PCA3: variants seen among roughly 807,000 people sequenced by gnomAD.
The protein encoded by PCA3 is Differential Display code 3.
chr9:76,770,384 T>G (rs926089935), intron 2 of PCA3, among the ~76,000 whole-genome samples: 1 of 152,200 alleles, frequency 6.6e-6, no homozygotes, highest in African/African-American at 2.4e-5. Flanking sequence ...TGATAAAGTT[T>G]CTTTTTGAAA....
intron 2 of PCA3, among the ~76,000 whole-genome samples, chr9:76,768,623 G>GTGTGTGTGTGTA (rs1491356086): frequency 2.3e-5 from 3 of 130,234 alleles, no homozygotes; most frequent in African/African-American, 5.6e-5. Flanking sequence ...GTGTGTGTGT[G>GTGTGTGTGTGTA]TATATCCCTG....
chr9:76,776,291 C>A (rs2053727465), intron 2 of PCA3, among the ~76,000 whole-genome samples: 1 of 152,092 alleles, frequency 6.6e-6, no homozygotes, highest in Admixed American at 6.6e-5. Context: ...CACCCTCCCG[C>A]CTTCCCACCT....
At chr9:76,768,319 A>G (rs537188807) in intron 2 of PCA3, among the ~76,000 whole-genome samples, 1 of 152,176 alleles carries the variant, frequency 6.6e-6, no homozygotes, top group Middle Eastern at 3.4e-3. Flanking sequence ...CAGCCTCCCA[A>G]GTAGCTGGGA....
At chr9:76,771,863 T>C (rs2130954449) in intron 2 of PCA3, among the ~76,000 whole-genome samples, 1 of 152,184 alleles carries the variant, frequency 6.6e-6, no homozygotes, top group East Asian at 1.9e-4. Context: ...GACCACACCC[T>C]AAGTGAGAAA....
At chr9:76,778,748 C>A (rs569811379) in intron 2 of PCA3, 1 of 152,322 alleles carries the variant, frequency 6.6e-6, no homozygotes, top group South Asian at 2.1e-4. Context: ...TAATTTATTT[C>A]AGGTGCCTAG....
intron 2 of PCA3, among the ~76,000 whole-genome samples, chr9:76,774,850 T>C (rs952145694): frequency 1.3e-5 from 2 of 152,170 alleles, no homozygotes; most frequent in Admixed American, 6.5e-5. Context: ...AGTGAAAAGA[T>C]TGTAGATTTT....
chr9:76,774,450 C>CTTTTTTTATTTATTTATTTTTTTTTTTT (rs1564272256), intron 2 of PCA3, among the ~76,000 whole-genome samples: 1 of 41,402 alleles, frequency 2.4e-5, no homozygotes, highest in Non-Finnish European at 3.9e-5. Flanking sequence ...CAGTTCAACC[C>CTTTTTTTATTTATTTATTTTTTTTTTTT]TTTTTTTTTT....
chr9:76,777,471 T>C (rs1401079420), intron 2 of PCA3, among the ~76,000 whole-genome samples: 2 of 152,158 alleles, frequency 1.3e-5, no homozygotes, highest in Non-Finnish European at 2.9e-5. Context: ...TCCATACAGT[T>C]TGCTGGCTGA....
At chr9:76,781,503 T>C (rs987734497) in intron 2 of PCA3, among the ~76,000 whole-genome samples, 5 of 152,262 alleles carry the variant, frequency 3.3e-5, no homozygotes, top group African/African-American at 9.6e-5. Flanking sequence ...GCCTATATTG[T>C]ATATGCTTGG....
chr9:76,787,245 C>A (rs1427788593), intron 2 of PCA3: 1 of 151,440 alleles, frequency 6.6e-6, no homozygotes, highest in Non-Finnish European at 1.5e-5. Flanking sequence ...TCTTTTATCA[C>A]CAAAGTGGCT....
intron 2 of PCA3, among the ~76,000 whole-genome samples, chr9:76,781,777 G>C (rs2054426687): frequency 6.6e-6 from 1 of 152,204 alleles, no homozygotes; most frequent in African/African-American, 2.4e-5. Flanking sequence ...TAGTGTTGGT[G>C]AATGAGTTAA....
chr9:76,765,771 G>A (rs1388752856), intron 2 of PCA3, among the ~76,000 whole-genome samples: 1 of 152,170 alleles, frequency 6.6e-6, no homozygotes, highest in Non-Finnish European at 1.5e-5. Context: ...TTCTGAACTT[G>A]TCCAAACCAG....
chr9:76,777,430 C>G (rs2053923326), intron 2 of PCA3, among the ~76,000 whole-genome samples: 1 of 152,180 alleles, frequency 6.6e-6, no homozygotes, highest in Non-Finnish European at 1.5e-5. Context: ...ATCCCAGGCA[C>G]AGAGCTCTGA....
chr9:76,784,720 G>A (rs2054789934), intron 2 of PCA3: 1 of 152,208 alleles, frequency 6.6e-6, no homozygotes, highest in Non-Finnish European at 1.5e-5. Context: ...TGGCCCAGGG[G>A]ATCTGTGAAC....
chr9:76,779,244 T>TG (rs1183631191), intron 2 of PCA3, among the ~76,000 whole-genome samples: 1 of 152,080 alleles, frequency 6.6e-6, no homozygotes, highest in Non-Finnish European at 1.5e-5. Context: ...TTTTTTTTTT[T>TG]TTGGAAGTAT....
At chr9:76,781,434 A>G (rs2054380830) in intron 2 of PCA3, among the ~76,000 whole-genome samples, 1 of 152,204 alleles carries the variant, frequency 6.6e-6, no homozygotes. Context: ...TTCCCACTTC[A>G]GAGCCTTTGC....
chr9:76,771,324 A>C (rs2053078023), intron 2 of PCA3, among the ~76,000 whole-genome samples: 1 of 152,224 alleles, frequency 6.6e-6, no homozygotes, highest in Non-Finnish European at 1.5e-5. Context: ...ATACAATAAC[A>C]AAATGAAAAC....
chr9:76,769,147 A>G (rs1031500902), intron 2 of PCA3, among the ~76,000 whole-genome samples: 5 of 152,148 alleles, frequency 3.3e-5, no homozygotes, highest in Admixed American at 2.6e-4. Flanking sequence ...GTTGGATCTT[A>G]TTGCTTTGCT....
intron 2 of PCA3, among the ~76,000 whole-genome samples, chr9:76,768,915 T>A (rs539716992): frequency 7.1e-4 from 108 of 152,294 alleles, no homozygotes; most frequent in African/African-American, 2.6e-3. Flanking sequence ...TTATAAAAAA[T>A]TTAAATTACA....
Sources: gnomAD v4.1 joint callset for allele counts (sites outside exome capture counted in the v4.1 genomes callset) on GRCh38, gnomAD v4.1.1 for gene constraint, MANE v1.5 for transcripts, NCBI Gene and HGNC (gene_info 2026-07-23, HGNC 2026-07-21) for gene names.